The following CSMD1 variants were observed in gnomAD, a reference collection of about 807,000 sequenced individuals.
CSMD1 encodes CUB and Sushi multiple domains 1.
A neutral mutation model predicts 417.5 loss-of-function variants in CSMD1; 213 were observed. The observed-to-expected ratio is 0.51, with a 90% CI of 0.46 to 0.57. CSMD1 has a LOEUF of 0.57. CSMD1 is among the 20% of genes least tolerant of loss of function. The pLI is 0.00. For synonymous variants in CSMD1, 2,862 were observed against 1,736.8 expected (o/e 1.65, Z -16.11); for missense variants, 6,923 against 4,529.7 (o/e 1.53, Z -15.17).
intron 1 of CSMD1, among the ~76,000 whole-genome samples, chr8:4,862,603 A>T (rs879442708): frequency 2.0e-5 from 3 of 152,090 alleles, no homozygotes; most frequent in Non-Finnish European, 4.4e-5. Context: ...TAAGATAAAA[A>T]ATTGGAATAC....
intron 7 of CSMD1, among the ~76,000 whole-genome samples, chr8:3,696,211 C>G (rs144579389): frequency 6.6e-6 from 1 of 152,154 alleles, no homozygotes; most frequent in Non-Finnish European, 1.5e-5. Context: ...TTCAAACAGA[C>G]AGTTCAAACC....
intron 26 of CSMD1, among the ~76,000 whole-genome samples, chr8:3,265,055 C>G (rs1159001784): frequency 1.3e-5 from 2 of 152,152 alleles, no homozygotes; most frequent in African/African-American, 4.8e-5. Context: ...TAGGGCACTT[C>G]AGAAGGCAAT....
intron 5 of CSMD1, among the ~76,000 whole-genome samples, chr8:3,823,499 T>C (rs975162348): frequency 2.6e-5 from 4 of 152,208 alleles, no homozygotes; most frequent in South Asian, 2.1e-4. Context: ...ATTTAGCTTA[T>C]GCTTGAATCA....
chr8:4,253,743 T>C (rs1444026075), intron 3 of CSMD1, among the ~76,000 whole-genome samples: 1 of 150,602 alleles, frequency 6.6e-6, no homozygotes, highest in Non-Finnish European at 1.5e-5. Context: ...TTCTGGTTGT[T>C]CAATTATATA....
chr8:3,348,945 A>T (rs1808202247), intron 21 of CSMD1, among the ~76,000 whole-genome samples: 1 of 152,210 alleles, frequency 6.6e-6, no homozygotes, highest in Non-Finnish European at 1.5e-5. Context: ...CAAAACTCTA[A>T]GTCCAATACG....
chr8:4,360,526 G>T (rs1407981554), intron 3 of CSMD1, among the ~76,000 whole-genome samples: 5 of 152,150 alleles, frequency 3.3e-5, no homozygotes, highest in Non-Finnish European at 7.3e-5. Flanking sequence ...GTCTGGCTCT[G>T]TCGCCCAGGC....
intron 5 of CSMD1, among the ~76,000 whole-genome samples, chr8:3,917,763 CT>C (rs1035865774): frequency 1.3e-5 from 2 of 152,096 alleles, no homozygotes; most frequent in Non-Finnish European, 2.9e-5. Context: ...AATCTACCAC[CT>C]GCCAAAGATT....
intron 3 of CSMD1, among the ~76,000 whole-genome samples, chr8:4,279,262 AAC>A (rs1796651353): frequency 6.6e-6 from 1 of 152,186 alleles, no homozygotes; most frequent in South Asian, 2.1e-4. Flanking sequence ...CACATTTTGA[AAC>A]ACTTATATTT....
intron 5 of CSMD1, among the ~76,000 whole-genome samples, chr8:3,811,183 T>C (rs1350209355): frequency 6.6e-6 from 1 of 152,194 alleles, no homozygotes; most frequent in Admixed American, 6.5e-5. Context: ...TGAATTCTTT[T>C]TCTATTCGAA....
At chr8:4,250,963 T>TAC (rs1803028916) in intron 3 of CSMD1, among the ~76,000 whole-genome samples, 1 of 152,198 alleles carries the variant, frequency 6.6e-6, no homozygotes, top group Non-Finnish European at 1.5e-5. Context: ...CCCTGAATGT[T>TAC]ACTAGGTGAA....
At chr8:4,917,918 C>T (rs1267154675) in intron 1 of CSMD1, among the ~76,000 whole-genome samples, 1 of 152,102 alleles carries the variant, frequency 6.6e-6, no homozygotes, top group East Asian at 1.9e-4. Context: ...GCTCTTAAGG[C>T]ATTTACAATC....
intron 1 of CSMD1, among the ~76,000 whole-genome samples, chr8:4,948,864 T>C (rs1157267984): frequency 1.3e-5 from 2 of 152,138 alleles, no homozygotes; most frequent in African/African-American, 2.4e-5. Flanking sequence ...TGTGAATCTT[T>C]TCATTCCGAT....
At position 4,818,284 on chromosome 8, in the gene CSMD1, T is replaced by C. The variant is rs1421294785; in HGVS notation, c.85+176048A>G. 1.6e-4 allele frequency among the ~76,000 whole-genome samples: 24 copies of C among 152,194 alleles called. 1 individual carries two copies. The highest frequency in any genetic ancestry group is 1.6e-3 in the Admixed American group (24 of 15,262). ...TCTCGTAGGTCACCCCGATTTAGTC[T>C]AGAAAAGCTCGATGAAATTGACCAA... On this transcript the variant is annotated intron_variant, in intron 1 of 69. Coordinates refer to ENST00000635120, the MANE Select transcript of CSMD1 (RefSeq NM_033225.6).
At chr8:4,109,622 G>C (rs144791345) in intron 3 of CSMD1, among the ~76,000 whole-genome samples, 211 of 152,258 alleles carry the variant, frequency 1.4e-3, no homozygotes, top group African/African-American at 4.7e-3. Context: ...GGAATCAAAA[G>C]CTCTAGACAA....
At chr8:3,262,549 A>AT in intron 26 of CSMD1, among the ~76,000 whole-genome samples, 1 of 152,042 alleles carries the variant, frequency 6.6e-6, no homozygotes, top group African/African-American at 2.4e-5. Context: ...GAAAAAAAAA[A>AT]GAAAAAGAAA....
At chr8:3,381,794 T>A (rs894742937) in intron 18 of CSMD1, among the ~76,000 whole-genome samples, 3 of 152,202 alleles carry the variant, frequency 2.0e-5, no homozygotes, top group Non-Finnish European at 4.4e-5. Flanking sequence ...GCTCCCACGC[T>A]ACAGCCTAGT....
At chr8:4,654,537 C>G (rs914411464) in intron 1 of CSMD1, among the ~76,000 whole-genome samples, 1 of 152,040 alleles carries the variant, frequency 6.6e-6, no homozygotes, top group Non-Finnish European at 1.5e-5. Context: ...CTGAGAGGCA[C>G]AGTGGAGTTT....
intron 4 of CSMD1, among the ~76,000 whole-genome samples, chr8:4,010,803 G>A (rs1051747665): frequency 2.0e-5 from 3 of 152,120 alleles, no homozygotes; most frequent in African/African-American, 4.8e-5. Flanking sequence ...CATCATCACA[G>A]TAAAACACCT....
chr8:4,081,605 C>G (rs373405081), intron 3 of CSMD1, among the ~76,000 whole-genome samples: 6 of 152,194 alleles, frequency 3.9e-5, no homozygotes, highest in African/African-American at 1.4e-4. Flanking sequence ...CTGCAGAATA[C>G]ATAAATTTTT....
Sources: allele counts gnomAD v4.1 joint callset (sites outside exome capture counted in the v4.1 genomes callset), GRCh38; gene constraint gnomAD v4.1.1; transcripts MANE v1.5; gene names NCBI Gene and HGNC (gene_info 2026-07-23, HGNC 2026-07-21).